Variants in S100Z observed in about 807,000 individuals in gnomAD.
The protein encoded by S100Z is S100 calcium binding protein Z.
Under a neutral mutation model 8.5 loss-of-function variants are expected in S100Z, and 11 were observed. That is an observed-to-expected ratio of 1.30 (90% CI 0.82 to 2.15). The LOEUF is 2.15. Ranked by LOEUF, S100Z falls within the 30% of genes most tolerant of loss-of-function variation. The probability of loss-of-function intolerance (pLI) is 0.00; values close to 1 mark genes in which losing one functional copy is unlikely to be tolerated. For missense variants in S100Z, 126 were observed against 117.9 expected, an observed-to-expected ratio of 1.07 and a Z score of -0.32; for synonymous variants, 34 against 43.8, an observed-to-expected ratio of 0.78 and a Z score of 0.89.
the S100Z span, among the ~76,000 whole-genome samples, chr5:76,939,563 A>T: frequency 7.1e-6 from 1 of 141,840 alleles, no homozygotes; most frequent in South Asian, 2.2e-4. Context: ...CCCAGGTTGG[A>T]GTGCAATGGT....
At chr5:76,859,655 G>A (rs1473869840) in intron 1 of S100Z, among the ~76,000 whole-genome samples, 5 of 151,394 alleles carry the variant, frequency 3.3e-5, no homozygotes, top group East Asian at 3.9e-4. Context: ...GGTGGCGGGC[G>A]CCTGTAATCC....
the S100Z span, among the ~76,000 whole-genome samples, chr5:76,932,203 G>A: frequency 1.3e-5 from 2 of 152,016 alleles, no homozygotes; most frequent in African/African-American, 4.8e-5. Context: ...TGGTTTTTGC[G>A]CAGGACTGAC....
intron 4 of S100Z, among the ~76,000 whole-genome samples, chr5:76,895,422 A>G (rs1744001072): frequency 6.6e-6 from 1 of 152,120 alleles, no homozygotes; most frequent in Non-Finnish European, 1.5e-5. Context: ...TTGGTCATCA[A>G]ATATTATCTA....
chr5:76,893,835 G>T (rs780021180), intron 4 of S100Z, among the ~76,000 whole-genome samples: 3 of 152,050 alleles, frequency 2.0e-5, no homozygotes, highest in Non-Finnish European at 4.4e-5. Context: ...ATCAACTAAG[G>T]GTGCACCCTG....
At chr5:76,860,872 G>A (rs1238474755) in intron 1 of S100Z, among the ~76,000 whole-genome samples, 2 of 152,160 alleles carry the variant, frequency 1.3e-5, no homozygotes, top group Admixed American at 1.3e-4. Flanking sequence ...GGCCACGCAT[G>A]ATTTCATTAC....
chr5:76,901,135 C>T (rs75981052), intron 4 of S100Z, among the ~76,000 whole-genome samples: 4,018 of 152,306 alleles, frequency 0.026, 193 homozygotes, highest in African/African-American at 0.09. Flanking sequence ...GACACAAGCA[C>T]TCCTGTGGCC....
chr5:76,933,989 C>T, the S100Z span, among the ~76,000 whole-genome samples: 2 of 152,164 alleles, frequency 1.3e-5, no homozygotes, highest in South Asian at 4.1e-4. Context: ...GTATTTCTGG[C>T]TTATTTCATT....
chr5:76,854,582 A>G (rs752918765), intron 1 of S100Z, among the ~76,000 whole-genome samples: 4 of 152,334 alleles, frequency 2.6e-5, no homozygotes, highest in Admixed American at 2.0e-4. Context: ...GGCTGCTTCT[A>G]ACAGCCTATG....
intron 1 of S100Z, among the ~76,000 whole-genome samples, chr5:76,863,669 G>A (rs1291387269): frequency 6.6e-6 from 1 of 151,944 alleles, no homozygotes; most frequent in Non-Finnish European, 1.5e-5. Context: ...CTCCCAAGTA[G>A]CTGGGACTAC....
intron 4 of S100Z, among the ~76,000 whole-genome samples, chr5:76,880,417 G>A (rs1370303697): frequency 6.6e-6 from 1 of 152,178 alleles, no homozygotes; most frequent in East Asian, 1.9e-4. Flanking sequence ...GGGTGGTATG[G>A]AGAGATAATG....
the S100Z span, among the ~76,000 whole-genome samples, chr5:76,940,880 A>G: frequency 2.6e-5 from 4 of 152,172 alleles, no homozygotes; most frequent in African/African-American, 9.7e-5. Flanking sequence ...ACAGTTGCTC[A>G]GACTTTTCTT....
chr5:76,851,792 G>T (rs968864566), intron 1 of S100Z, among the ~76,000 whole-genome samples: 1 of 152,142 alleles, frequency 6.6e-6, no homozygotes, highest in Non-Finnish European at 1.5e-5. Context: ...ATAACACAAA[G>T]TAGAGTAAGA....
chr5:76,940,640 T>C, the S100Z span, among the ~76,000 whole-genome samples: 1 of 152,190 alleles, frequency 6.6e-6, no homozygotes. Flanking sequence ...CTTGAACTCC[T>C]GACCTCAAGT....
chr5:76,874,611 G>A (rs570645522), intron 2 of S100Z, among the ~76,000 whole-genome samples: 9 of 152,192 alleles, frequency 5.9e-5, no homozygotes, highest in African/African-American at 9.6e-5. Context: ...CCTCCCCCAC[G>A]TATAAATGCT....
intron 4 of S100Z, among the ~76,000 whole-genome samples, chr5:76,883,067 G>T (rs1195444593): frequency 2.6e-5 from 4 of 152,148 alleles, no homozygotes; most frequent in Admixed American, 2.6e-4. Flanking sequence ...GCTTTAAAAG[G>T]CCATGCTGTA....
downstream of S100Z, among the ~76,000 whole-genome samples, chr5:76,924,656 T>C (rs932976055): frequency 6.6e-6 from 1 of 152,202 alleles, no homozygotes; most frequent in Non-Finnish European, 1.5e-5. Flanking sequence ...AAGCCTGTAA[T>C]GTCAGCACTT....
intron 1 of S100Z, among the ~76,000 whole-genome samples, chr5:76,864,327 C>T: frequency 6.9e-6 from 1 of 144,222 alleles, no homozygotes; most frequent in East Asian, 2.2e-4. Flanking sequence ...ATAGAACATA[C>T]AATTACACTA....
At chr5:76,877,543 G>T in intron 3 of S100Z, 131 bp from the exon 4 acceptor site, 1 of 630,400 alleles carries the variant, frequency 1.6e-6, no homozygotes. Context: ...CCTGTAAATA[G>T]GTTCTTAGAA....
Position 76,877,823 on chromosome 5 carries a change from A to T in S100Z, c.291A>T (p.Lys97Asn), listed in dbSNP as rs1285494191. Reference protein sequence around the residue: ...NDYFVEQLKKKGK With the variant: ...NDYFVEQLKKNGK ...ACTTTGTAGAACAATTGAAGAAGAA[A>T]GGAAAATAAAGGTAAGTAATAAGCT... The change falls in exon 4 of 5, where the codon AAA becomes AAT. Residue 97 changes from lysine (K) to asparagine (N), a missense_variant. Coordinates refer to ENST00000317593, the MANE Select transcript of S100Z (RefSeq NM_130772.4). 6.8e-6 allele frequency: 11 copies of T among 1,611,002 alleles called. No homozygotes were observed.
Sources: allele counts gnomAD v4.1 joint callset (sites outside exome capture counted in the v4.1 genomes callset), GRCh38; gene constraint gnomAD v4.1.1; transcripts MANE v1.5; gene names NCBI Gene and HGNC (gene_info 2026-07-23, HGNC 2026-07-21).